The following CFAP97 variants were observed in gnomAD, a reference collection of about 807,000 sequenced individuals.
The protein encoded by CFAP97 is cilia and flagella associated protein 97, also known as cilia- and flagella-associated protein 97.
CFAP97 carries 36 observed loss-of-function variants against 43.1 expected under a neutral mutation model. The observed-to-expected ratio is 0.84, with a 90% CI of 0.64 to 1.10. The LOEUF (loss-of-function observed/expected upper bound fraction) is 1.10. Among genes scored for constraint, CFAP97 ranks in the 50% least tolerant of loss-of-function variants. The probability of loss-of-function intolerance (pLI) is 0.00; values close to 1 mark genes in which losing one functional copy is unlikely to be tolerated. For synonymous variants in CFAP97, 228 were observed against 225.7 expected, an observed-to-expected ratio of 1.01 and a Z score of -0.09; for missense variants, 657 against 620.3, an observed-to-expected ratio of 1.06 and a Z score of -0.63.
At chr4:185,168,677 G>A (rs926401667) in intron 3 of CFAP97, among the ~76,000 whole-genome samples, 2 of 151,328 alleles carry the variant, frequency 1.3e-5, no homozygotes, top group South Asian at 2.1e-4. Context: ...GGCAGATCAC[G>A]AGGTCAGGAG....
intron 3 of CFAP97, among the ~76,000 whole-genome samples, chr4:185,165,901 G>A (rs1206479208): frequency 1.3e-5 from 2 of 152,218 alleles, no homozygotes; most frequent in South Asian, 4.2e-4. Context: ...GGAAGAATAA[G>A]CCAAGATATC....
In CFAP97 at chr4:185,197,462, G is replaced by A. The variant is rs117249986; in HGVS notation, c.-16-6250C>T. ...TTTTTTTGAGACAGAGTCTCTCTGA[G>A]TCTCCCAGGCTGGAGCGCAGTGGCG... On this transcript the variant is annotated intron_variant, in intron 1 of 4. Transcript: ENST00000458385. Among the ~76,000 whole-genome samples the A allele has an allele frequency of 7.0e-3, 1,053 of 150,438 alleles. 23 individuals are homozygous for A. The East Asian group carries it at 0.1, about 14-fold the overall frequency.
At chr4:185,194,568 C>T (rs1736453708) in intron 1 of CFAP97, among the ~76,000 whole-genome samples, 1 of 152,152 alleles carries the variant, frequency 6.6e-6, no homozygotes, top group African/African-American at 2.4e-5. Flanking sequence ...CACTCCATCG[C>T]CCAGGCTGGA....
intron 1 of CFAP97, among the ~76,000 whole-genome samples, chr4:185,201,414 T>C (rs1227305317): frequency 6.6e-6 from 1 of 151,010 alleles, no homozygotes; most frequent in Non-Finnish European, 1.5e-5. Context: ...AAGAAGTCAA[T>C]CAATAAAGCA....
rs1560860354 is a variant in CFAP97, at chr4:185,176,126, T to TC, written c.1055-76_1055-75insG. On this transcript the variant is annotated intron_variant, in intron 2 of 4. Coordinates refer to ENST00000458385, the MANE Select transcript of CFAP97 (RefSeq NM_020827.3). ...GGTACATGCTTTTTTTTTTTTTCTC[T>TC]TTTTAGACGGAGTTTCACTCTTGTT... is the stretch of plus-strand genomic sequence containing the variant. The TC allele has an allele frequency of 1.5e-4, 184 of 1,240,750 alleles. 2 individuals carry two copies. In the African/African-American group the frequency reaches 2.6e-3, roughly 18 times the overall value. 76.9% of individuals were successfully genotyped at this position (1,240,750 alleles called of 1,614,324 possible). A position where few individuals can be genotyped will look rare whatever the true frequency, so the allele number is the denominator to read the frequency against.
At chr4:185,194,204 G>C (rs1032020876) in intron 1 of CFAP97, among the ~76,000 whole-genome samples, 11 of 152,114 alleles carry the variant, frequency 7.2e-5, no homozygotes, top group Non-Finnish European at 1.5e-5. Flanking sequence ...TGAAAAGTTT[G>C]TAGGCCAGGC....
intron 3 of CFAP97, among the ~76,000 whole-genome samples, chr4:185,173,103 C>T (rs1735370372): frequency 6.6e-6 from 1 of 152,046 alleles, no homozygotes; most frequent in Non-Finnish European, 1.5e-5. Context: ...GTGGCTCACG[C>T]CTGTAATCCC....
At chr4:185,179,381 C>G (rs1459894990) in intron 2 of CFAP97, among the ~76,000 whole-genome samples, 1 of 152,108 alleles carries the variant, frequency 6.6e-6, no homozygotes, top group South Asian at 2.1e-4. Flanking sequence ...GAGGTTTATG[C>G]CCTTTTGCGT....
intron 3 of CFAP97, among the ~76,000 whole-genome samples, chr4:185,175,408 G>A (rs930440229): frequency 1.3e-5 from 2 of 151,820 alleles, no homozygotes; most frequent in East Asian, 1.9e-4. Context: ...CTGGGACCAC[G>A]GGTGTGTGCC....
At chr4:185,167,882 C>T (rs1218650519) in intron 3 of CFAP97, among the ~76,000 whole-genome samples, 2 of 151,538 alleles carry the variant, frequency 1.3e-5, no homozygotes, top group Non-Finnish European at 2.9e-5. Flanking sequence ...GTCTGCAGTT[C>T]CAGCTACTCC....
intron 4 of CFAP97, 114 bp from the exon 5 acceptor site, chr4:185,163,039 T>TA: frequency 1.1e-6 from 1 of 870,024 alleles, no homozygotes; most frequent in South Asian, 3.1e-5. Context: ...GATTCTCGAC[T>TA]AGGATGCACT....
upstream of CFAP97, among the ~76,000 whole-genome samples, chr4:185,205,944 C>T (rs1294590242): frequency 6.6e-6 from 1 of 152,158 alleles, no homozygotes; most frequent in African/African-American, 2.4e-5. Flanking sequence ...CTCAACACCA[C>T]TAATTAGGGA....
intron 3 of CFAP97, among the ~76,000 whole-genome samples, chr4:185,172,492 G>A (rs1317918296): frequency 1.3e-5 from 2 of 152,136 alleles, no homozygotes; most frequent in African/African-American, 2.4e-5. Flanking sequence ...ACACACTGAT[G>A]TAAGAGTTCT....
At chr4:185,177,413 C>A (rs1201732997) in intron 2 of CFAP97, among the ~76,000 whole-genome samples, 69 of 143,010 alleles carry the variant, frequency 4.8e-4, no homozygotes, top group African/African-American at 4.1e-4. Flanking sequence ...ACTCTGTCTC[C>A]AAAAAAAAAA....
At chr4:185,193,116 A>T (rs1481497886) in intron 1 of CFAP97, among the ~76,000 whole-genome samples, 1 of 152,116 alleles carries the variant, frequency 6.6e-6, no homozygotes, top group African/African-American at 2.4e-5. Context: ...GCATTTCTGG[A>T]GGCAAAGAGC....
chr4:185,203,494 C>T (rs570955904), intron 1 of CFAP97, among the ~76,000 whole-genome samples: 1 of 152,332 alleles, frequency 6.6e-6, no homozygotes, highest in South Asian at 2.1e-4. Flanking sequence ...ACGCTAGGCT[C>T]TTGTCTACAT....
At chr4:185,198,921 C>T (rs925819758) in intron 1 of CFAP97, among the ~76,000 whole-genome samples, 6 of 152,166 alleles carry the variant, frequency 3.9e-5, no homozygotes, top group Non-Finnish European at 8.8e-5. Flanking sequence ...AACAGCCTTC[C>T]ATTGGAAAAG....
chr4:185,170,625 G>A (rs769626541), intron 3 of CFAP97, among the ~76,000 whole-genome samples: 17 of 151,342 alleles, frequency 1.1e-4, no homozygotes, highest in Non-Finnish European at 1.5e-4. Context: ...TGTTAGCCAG[G>A]GTGGTCTCCA....
intron 2 of CFAP97, among the ~76,000 whole-genome samples, chr4:185,181,087 G>C (rs994587472): frequency 1.1e-4 from 16 of 151,590 alleles, no homozygotes; most frequent in Non-Finnish European, 5.9e-5. Flanking sequence ...TGTCTCTGCA[G>C]ACTTTTGTCT....
Sources: gnomAD v4.1 joint callset for allele counts (sites outside exome capture counted in the v4.1 genomes callset) on GRCh38, gnomAD v4.1.1 for gene constraint, MANE v1.5 for transcripts, NCBI Gene and HGNC (gene_info 2026-07-23, HGNC 2026-07-21) for gene names.